The following FHIT variants were observed in gnomAD, a reference collection of about 807,000 sequenced individuals.
FHIT encodes fragile histidine triad diadenosine triphosphatase, also known as bis(5'-adenosyl)-triphosphatase.
In FHIT, 19 loss-of-function variants were observed where a neutral mutation model predicts 17.9. The ratio of observed to expected loss-of-function variants is 1.06; its 90% CI spans 0.74 to 1.56. FHIT has a LOEUF of 1.56. Among genes scored for constraint, FHIT ranks in the 40% most tolerant of loss-of-function variants. FHIT has a pLI of 0.00. For synonymous variants in FHIT, 81 were observed against 69.7 expected, an observed-to-expected ratio of 1.16 and a Z score of -0.81; for missense variants, 248 against 189.2, an observed-to-expected ratio of 1.31 and a Z score of -1.82.
chr3:60,821,346 G>A (rs375098522), intron 4 of FHIT, among the ~76,000 whole-genome samples: 2 of 152,066 alleles, frequency 1.3e-5, no homozygotes, highest in African/African-American at 2.4e-5. Context: ...TTACTCTAAC[G>A]TAAAGCCTCT....
intron 5 of FHIT, among the ~76,000 whole-genome samples, chr3:60,192,779 G>A (rs1162531888): frequency 6.6e-6 from 1 of 152,184 alleles, no homozygotes; most frequent in Non-Finnish European, 1.5e-5. Flanking sequence ...CGTGAAAGCA[G>A]AACTGATAAC....
chr3:60,481,676 C>T (rs1038723811), intron 5 of FHIT, among the ~76,000 whole-genome samples: 1 of 152,060 alleles, frequency 6.6e-6, no homozygotes, highest in Non-Finnish European at 1.5e-5. Flanking sequence ...CTGAAAGAAG[C>T]ACTAAATAAG....
At chr3:60,960,802 T>C (rs1027359891) in intron 3 of FHIT, among the ~76,000 whole-genome samples, 2 of 152,250 alleles carry the variant, frequency 1.3e-5, no homozygotes, top group Non-Finnish European at 2.9e-5. Context: ...ATGTTGTATA[T>C]GTGCCACATT....
chr3:61,014,808 A>T (rs202162599), intron 3 of FHIT, among the ~76,000 whole-genome samples: 984 of 26,870 alleles, frequency 0.037, 52 homozygotes, highest in Middle Eastern at 0.1. Context: ...AAAAAAAAAA[A>T]TATATATATA....
chr3:60,257,927 G>A (rs1027145951), intron 5 of FHIT, among the ~76,000 whole-genome samples: 2 of 152,130 alleles, frequency 1.3e-5, no homozygotes, highest in African/African-American at 4.8e-5. Context: ...ATATCCGGAA[G>A]AAGAGCTAAT....
At chr3:59,914,951 T>C (rs1705060812) in intron 8 of FHIT, among the ~76,000 whole-genome samples, 2 of 152,194 alleles carry the variant, frequency 1.3e-5, no homozygotes, top group South Asian at 4.1e-4. Flanking sequence ...CAATTTTAAG[T>C]GACTGTTTAT....
At chr3:60,059,795 C>T (rs979678432) in intron 5 of FHIT, among the ~76,000 whole-genome samples, 1 of 152,110 alleles carries the variant, frequency 6.6e-6, no homozygotes, top group Non-Finnish European at 1.5e-5. Flanking sequence ...CTTGTTGGGT[C>T]TCCCCTTCTA....
At chr3:61,138,106 A>G (rs1028472534) in intron 2 of FHIT, among the ~76,000 whole-genome samples, 1 of 116,204 alleles carries the variant, frequency 8.6e-6, no homozygotes, top group Non-Finnish European at 1.9e-5. Flanking sequence ...GTCCCACCTC[A>G]TAGGAGTATT....
intron 4 of FHIT, among the ~76,000 whole-genome samples, chr3:60,679,404 T>G (rs2040695718): frequency 6.6e-6 from 1 of 152,196 alleles, no homozygotes; most frequent in Non-Finnish European, 1.5e-5. Context: ...TATTATTCTA[T>G]CACTCAGAGA....
intron 3 of FHIT, among the ~76,000 whole-genome samples, chr3:60,975,269 A>G (rs1710186580): frequency 6.6e-6 from 1 of 152,216 alleles, no homozygotes; most frequent in Non-Finnish European, 1.5e-5. Flanking sequence ...TACTCTCTGG[A>G]GAGGCATCTA....
intron 5 of FHIT, among the ~76,000 whole-genome samples, chr3:60,242,994 AG>A (rs2107576537): frequency 6.6e-6 from 1 of 152,098 alleles, no homozygotes; most frequent in East Asian, 1.9e-4. Context: ...CACATTTTCA[AG>A]TGAACCACAA....
intron 2 of FHIT, among the ~76,000 whole-genome samples, chr3:61,075,544 C>G (rs1421377084): frequency 6.6e-6 from 1 of 151,872 alleles, no homozygotes; most frequent in Non-Finnish European, 1.5e-5. Context: ...TTTATAGAAC[C>G]AGAAAAGGTG....
intron 4 of FHIT, among the ~76,000 whole-genome samples, chr3:60,586,397 C>A (rs2037908427): frequency 6.6e-6 from 1 of 152,004 alleles, no homozygotes; most frequent in African/African-American, 2.4e-5. Context: ...AAAACCTGAG[C>A]TTCACCTTCA....
intron 5 of FHIT, among the ~76,000 whole-genome samples, chr3:60,526,478 G>A (rs1251162989): frequency 1.3e-5 from 2 of 152,212 alleles, no homozygotes; most frequent in East Asian, 1.9e-4. Context: ...GGAACCGGGG[G>A]ACCTGCTGAG....
At chr3:59,936,241 C>G (rs1041106294) in intron 7 of FHIT, among the ~76,000 whole-genome samples, 20 of 152,106 alleles carry the variant, frequency 1.3e-4, no homozygotes, top group African/African-American at 4.3e-4. Flanking sequence ...AGGGTGCTGT[C>G]TTTGTTAGAC....
chr3:60,229,785 G>A (rs1303005501), intron 5 of FHIT, among the ~76,000 whole-genome samples: 1 of 152,142 alleles, frequency 6.6e-6, no homozygotes, highest in East Asian at 1.9e-4. Flanking sequence ...TTGAAGACTG[G>A]CCTGGGAAAT....
intron 1 of FHIT, among the ~76,000 whole-genome samples, chr3:61,211,038 T>C (rs773636029): frequency 5.3e-5 from 8 of 151,932 alleles, no homozygotes; most frequent in Non-Finnish European, 1.0e-4. Flanking sequence ...GATGGCCGAA[T>C]AGAAACAGCT....
intron 3 of FHIT, among the ~76,000 whole-genome samples, chr3:61,001,410 A>G (rs987571456): frequency 2.0e-5 from 3 of 152,224 alleles, no homozygotes; most frequent in South Asian, 2.1e-4. Context: ...AATTATCCAA[A>G]TATCCTTCAA....
At chr3:60,547,741 G>A (rs1428893999) in intron 4 of FHIT, among the ~76,000 whole-genome samples, 1 of 152,092 alleles carries the variant, frequency 6.6e-6, no homozygotes, top group African/African-American at 2.4e-5. Context: ...AAACATAAAA[G>A]AAACAATGAA....
Sources: allele counts gnomAD v4.1 joint callset (sites outside exome capture counted in the v4.1 genomes callset), GRCh38; gene constraint gnomAD v4.1.1; transcripts MANE v1.5; gene names NCBI Gene and HGNC (gene_info 2026-07-23, HGNC 2026-07-21).